TMTC3: variants seen among roughly 807,000 people sequenced by gnomAD.
TMTC3 encodes transmembrane O-mannosyltransferase targeting cadherins 3, also known as protein O-mannosyl-transferase TMTC3.
Under a neutral mutation model 92.2 loss-of-function variants are expected in TMTC3, and 52 were observed. That is an observed-to-expected ratio of 0.56 (90% CI 0.45 to 0.71). TMTC3 has a LOEUF of 0.71. Among genes scored for constraint, TMTC3 ranks in the 30% least tolerant of loss-of-function variants. The pLI is 0.00. For missense variants in TMTC3, 896 were observed against 1,057.1 expected (o/e 0.85, Z 2.11); for synonymous variants, 339 against 363.3 (o/e 0.93, Z 0.76).
chr12:88,194,812 A>AT, intron 13 of TMTC3, 26 bp from the exon 14 acceptor site: 3 of 1,405,402 alleles, frequency 2.1e-6, no homozygotes, highest in East Asian at 2.4e-5. Context: ...TTAACAATAT[A>AT]TTTTTTCTTT....
At chr12:88,169,434 A>G (rs1319706936) in intron 7 of TMTC3, among the ~76,000 whole-genome samples, 3 of 152,206 alleles carry the variant, frequency 2.0e-5, no homozygotes, top group African/African-American at 7.2e-5. Flanking sequence ...GTATATAAAA[A>G]TGGAACAGCT....
intron 9 of TMTC3, among the ~76,000 whole-genome samples, chr12:88,175,255 A>G (rs1286991895): frequency 6.6e-6 from 1 of 152,188 alleles, no homozygotes. Flanking sequence ...TGGCAGAAAG[A>G]AAGGATCAAG....
At chr12:88,159,336 A>C (rs952257004) in intron 4 of TMTC3, among the ~76,000 whole-genome samples, 8 of 152,158 alleles carry the variant, frequency 5.3e-5, no homozygotes, top group Non-Finnish European at 1.0e-4. Flanking sequence ...TTTGAAGAAT[A>C]GTATTTATTT....
In TMTC3 at chr12:88,198,158, AATAG is replaced by A; in HGVS notation, c.*2513_*2516del. The A allele has an allele frequency of 2.5e-6, 1 of 394,312 alleles. No individual in the cohort carries two copies. The highest frequency in any genetic ancestry group is 4.4e-5 in the Admixed American group (1 of 22,664). The allele number at this position is 394,312 out of a possible 1,614,324, so 24.4% of individuals were successfully genotyped here. On this transcript the variant is annotated 3_prime_UTR_variant, in exon 14 of 14. Coordinates refer to ENST00000266712, the MANE Select transcript of TMTC3 (RefSeq NM_181783.4). ...TATTATTTCTTCTCTATAACTTCAA[AATAG>A]ATATTTCATTCAAACTGTTCAGGTG...
intron 6 of TMTC3, 132 bp downstream of exon 6, chr12:88,160,983 A>C: frequency 1.2e-6 from 1 of 860,792 alleles, no homozygotes; most frequent in Non-Finnish European, 1.7e-6. Flanking sequence ...CATTTTTTAA[A>C]CTGCATATAT....
chr12:88,174,475 G>C, intron 8 of TMTC3, 132 bp from the exon 9 acceptor site: 1 of 1,072,788 alleles, frequency 9.3e-7, no homozygotes, highest in Non-Finnish European at 1.3e-6. Flanking sequence ...GTGTTCATTA[G>C]AATGAATTAG....
At chr12:88,184,812 TACAC>T (rs915929753) in intron 10 of TMTC3, among the ~76,000 whole-genome samples, 3 of 152,046 alleles carry the variant, frequency 2.0e-5, no homozygotes, top group South Asian at 2.1e-4. Flanking sequence ...AATATATATA[TACAC>T]ACACACATAT....
In TMTC3 at chr12:88,199,309, T is replaced by C. The variant is rs2041554584; in HGVS notation, c.*3660T>C. 1 of 152,014 alleles carries C rather than the reference T, an allele frequency of 6.6e-6. No individual in the cohort carries two copies. 9.4% of individuals were successfully genotyped at this position (152,014 alleles called of 1,614,324 possible). The stretch of plus-strand genomic sequence containing the variant: ...TTGTTCTACCTATATGTCCTCAGTT[T>C]CTTCATCTACAAGTTGGGAAAAACA... On this transcript the variant is annotated 3_prime_UTR_variant, in exon 14 of 14. Transcript: ENST00000266712.
chr12:88,168,954 G>A (rs2041175567), intron 7 of TMTC3, among the ~76,000 whole-genome samples: 1 of 152,168 alleles, frequency 6.6e-6, no homozygotes, highest in Admixed American at 6.5e-5. Context: ...TGAGATAGAA[G>A]AGACACCCCT....
At chr12:88,164,477 AC>A (rs1273400566) in intron 6 of TMTC3, among the ~76,000 whole-genome samples, 6 of 152,090 alleles carry the variant, frequency 3.9e-5, no homozygotes. Context: ...CTCAGGTATT[AC>A]AGTCCTTTTT....
intron 10 of TMTC3, among the ~76,000 whole-genome samples, chr12:88,186,758 T>C (rs942784005): frequency 6.6e-6 from 1 of 152,208 alleles, no homozygotes. Context: ...AAAGAATTGC[T>C]TAGAAATTAG....
intron 3 of TMTC3, among the ~76,000 whole-genome samples, chr12:88,153,762 T>A (rs1339068622): frequency 6.6e-6 from 1 of 152,038 alleles, no homozygotes; most frequent in African/African-American, 2.4e-5. Flanking sequence ...ATAAAATCTG[T>A]TTAGAAATAT....
At chr12:88,147,702 C>T (rs750607950) in intron 1 of TMTC3, among the ~76,000 whole-genome samples, 31 of 151,854 alleles carry the variant, frequency 2.0e-4, no homozygotes, top group Non-Finnish European at 3.5e-4. Flanking sequence ...AAGTTTGAAG[C>T]ATTACTCCTT....
chr12:88,176,203 T>C lies in TMTC3; in HGVS notation c.1321-5T>C. The C allele has an allele frequency of 6.3e-7, 1 of 1,592,802 alleles. No homozygotes were observed. The highest frequency in any genetic ancestry group is 1.3e-5 in the African/African-American group (1 of 74,094). ...TAACTTTTTCTATCTGTGCTTGTAT[T>C]TAAGGTAAATAAAAATAATGCCAAA... On this transcript the variant is annotated splice_region_variant and splice_polypyrimidine_tract_variant and intron_variant, in intron 9 of 13. Coordinates refer to ENST00000266712, the MANE Select transcript of TMTC3 (RefSeq NM_181783.4).
At chr12:88,152,464 A>C (rs2040955073) in intron 2 of TMTC3, among the ~76,000 whole-genome samples, 1 of 152,192 alleles carries the variant, frequency 6.6e-6, no homozygotes, top group Admixed American at 6.5e-5. Flanking sequence ...TTTCAGCATG[A>C]GATTTGGAGG....
At chr12:88,182,557 C>T (rs906693857) in intron 10 of TMTC3, among the ~76,000 whole-genome samples, 1 of 152,042 alleles carries the variant, frequency 6.6e-6, no homozygotes, top group Non-Finnish European at 1.5e-5. Context: ...TAGTATGTAT[C>T]CAAGATATTT....
intron 1 of TMTC3, among the ~76,000 whole-genome samples, chr12:88,143,025 C>T (rs1037777935): frequency 6.6e-5 from 10 of 152,092 alleles, no homozygotes; most frequent in African/African-American, 2.2e-4. Context: ...CACTCTTACT[C>T]GTGCAAGTTT....
intron 10 of TMTC3, among the ~76,000 whole-genome samples, chr12:88,178,690 A>G (rs1433324249): frequency 6.6e-6 from 1 of 152,200 alleles, no homozygotes; most frequent in Admixed American, 6.5e-5. Flanking sequence ...TTAATTAATT[A>G]CTTTCTTAAG....
chr12:88,192,610 A>G lies in TMTC3; in HGVS notation c.1713A>G (p.Glu571=). 1 of 1,601,416 alleles carries G rather than the reference A, an allele frequency of 6.2e-7. No individual in the cohort carries two copies. The highest frequency in any genetic ancestry group is 8.5e-7 in the Non-Finnish European group (1 of 1,169,916). Residue 571 remains glutamate, a synonymous_variant, in exon 13 of 14, where the codon GAA becomes GAG. Transcript: ENST00000266712. ...GTGTTTGATTTTTCCACAGAGGAGA[A>G]TTGCTTTTAAAAATGAATAAACCTC... ...DFKQAYISRG[E]LLLKMNKPLK...
Sources: gnomAD v4.1 joint callset for allele counts (sites outside exome capture counted in the v4.1 genomes callset) on GRCh38, gnomAD v4.1.1 for gene constraint, MANE v1.5 for transcripts, NCBI Gene and HGNC (gene_info 2026-07-23, HGNC 2026-07-21) for gene names.